The following PALM2AKAP2 variants were observed in gnomAD, a reference collection of about 807,000 sequenced individuals.
PALM2AKAP2 encodes PALM2 and AKAP2 fusion.
PALM2AKAP2 carries 37 observed loss-of-function variants against 71.5 expected under a neutral mutation model. The observed-to-expected ratio is 0.52, with a 90% CI of 0.40 to 0.68. The LOEUF (loss-of-function observed/expected upper bound fraction) is 0.68, where lower values mean the gene tolerates loss of function less well. PALM2AKAP2 is among the 30% of genes least tolerant of loss of function. The probability of loss-of-function intolerance (pLI) is 0.00; values close to 1 mark genes in which losing one functional copy is unlikely to be tolerated. For synonymous variants in PALM2AKAP2, 468 were observed against 478.8 expected (o/e 0.98, Z 0.29); for missense variants, 1,224 against 1,191.8 (o/e 1.03, Z -0.40).
chr9:110,061,329 A>G (rs1833961113), intron 1 of PALM2AKAP2, among the ~76,000 whole-genome samples: 1 of 152,222 alleles, frequency 6.6e-6, no homozygotes, highest in South Asian at 2.1e-4. Context: ...GTACAATTTA[A>G]TAAAACCTTG....
chr9:109,977,770 G>A (rs1832196644), intron 6 of PALM2AKAP2, among the ~76,000 whole-genome samples: 1 of 144,938 alleles, frequency 6.9e-6, no homozygotes, highest in African/African-American at 2.9e-5. Context: ...TTCACCCCCT[G>A]CCTCTCTCTG....
At chr9:109,738,979 A>T (rs955433616) in intron 1 of PALM2AKAP2, among the ~76,000 whole-genome samples, 6 of 152,250 alleles carry the variant, frequency 3.9e-5, no homozygotes, top group African/African-American at 1.4e-4. Flanking sequence ...CTTGGTTGGC[A>T]TTCAAAGTCC....
chr9:109,977,167 A>G (rs1444353885), intron 6 of PALM2AKAP2, among the ~76,000 whole-genome samples: 6 of 152,234 alleles, frequency 3.9e-5, no homozygotes, highest in Admixed American at 1.3e-4. Flanking sequence ...CCACTGTATC[A>G]CATTGACTCT....
chr9:109,875,354 G>A (rs774488630), intron 2 of PALM2AKAP2, among the ~76,000 whole-genome samples: 4 of 152,174 alleles, frequency 2.6e-5, no homozygotes, highest in Admixed American at 6.6e-5. Flanking sequence ...CAGCATCATA[G>A]TCTGAGATTA....
At chr9:109,780,096 C>G (rs933306862), upstream of PALM2AKAP2, among the ~76,000 whole-genome samples, 18 of 151,162 alleles carry the variant, frequency 1.2e-4, no homozygotes, top group African/African-American at 4.1e-4. Flanking sequence ...CGCCTTGGAC[C>G]GCGGCCTCGG....
At chr9:110,103,014 C>T (rs1312181168) in intron 1 of PALM2AKAP2, among the ~76,000 whole-genome samples, 1 of 152,138 alleles carries the variant, frequency 6.6e-6, no homozygotes, top group Admixed American at 6.5e-5. Flanking sequence ...GCTGGTTCTC[C>T]TGCCTGGAAC....
intron 1 of PALM2AKAP2, among the ~76,000 whole-genome samples, chr9:109,861,429 A>C (rs1168495694): frequency 6.6e-6 from 1 of 152,230 alleles, no homozygotes; most frequent in Non-Finnish European, 1.5e-5. Flanking sequence ...TTTACGTGTT[A>C]TGTTACGAAC....
intron 1 of PALM2AKAP2, among the ~76,000 whole-genome samples, chr9:109,699,840 A>G (rs1294438356): frequency 6.7e-6 from 1 of 150,182 alleles, no homozygotes; most frequent in Non-Finnish European, 1.5e-5. Context: ...AGTGGGCATG[A>G]TCTCGGCTCA....
chr9:109,878,330 A>G (rs1474072396), intron 2 of PALM2AKAP2, among the ~76,000 whole-genome samples: 1 of 152,198 alleles, frequency 6.6e-6, no homozygotes, highest in Non-Finnish European at 1.5e-5. Context: ...ATAGCTGTTT[A>G]CGCATATTGA....
chr9:109,650,310 T>C (rs1827208299), intron 1 of PALM2AKAP2, among the ~76,000 whole-genome samples: 1 of 133,906 alleles, frequency 7.5e-6, no homozygotes. Flanking sequence ...TTTAGGGTTG[T>C]CCACTGATTT....
intron 2 of PALM2AKAP2, among the ~76,000 whole-genome samples, chr9:110,154,127 C>A (rs1836390494): frequency 6.6e-6 from 1 of 152,124 alleles, no homozygotes; most frequent in South Asian, 2.1e-4. Context: ...CTTTGAGATT[C>A]CAATTAAGTG....
At chr9:110,012,547 G>T (rs1832903628) in intron 6 of PALM2AKAP2, among the ~76,000 whole-genome samples, 1 of 151,882 alleles carries the variant, frequency 6.6e-6, no homozygotes, top group Non-Finnish European at 1.5e-5. Flanking sequence ...TAACATTTCT[G>T]TTCTTACAAA....
At chr9:109,818,135 A>C (rs758613517) in intron 1 of PALM2AKAP2, among the ~76,000 whole-genome samples, 1 of 152,244 alleles carries the variant, frequency 6.6e-6, no homozygotes, top group African/African-American at 2.4e-5. Flanking sequence ...GGTATTTAAA[A>C]ATAGTGTACG....
At chr9:109,995,933 C>T (rs1832568351) in intron 6 of PALM2AKAP2, among the ~76,000 whole-genome samples, 1 of 152,222 alleles carries the variant, frequency 6.6e-6, no homozygotes, top group Non-Finnish European at 1.5e-5. Context: ...AAAGATACTG[C>T]AGGTCCCAGC....
chr9:109,780,233 G>T (rs1829415918), upstream of PALM2AKAP2: 2 of 1,066,282 alleles, frequency 1.9e-6, no homozygotes, highest in Non-Finnish European at 2.3e-6. Flanking sequence ...CGGCGGCGGC[G>T]GCGACCGGGA....
chr9:109,755,092 A>C (rs1044966753), intron 1 of PALM2AKAP2, among the ~76,000 whole-genome samples: 1 of 152,008 alleles, frequency 6.6e-6, no homozygotes, highest in Admixed American at 6.6e-5. Flanking sequence ...TCTTAGCTGC[A>C]CAAATTCATT....
At chr9:109,707,530 G>A (rs1380603178) in intron 1 of PALM2AKAP2, among the ~76,000 whole-genome samples, 1 of 152,118 alleles carries the variant, frequency 6.6e-6, no homozygotes, top group African/African-American at 2.4e-5. Flanking sequence ...GCCAGGTAGT[G>A]CAAGGCATGG....
At chr9:109,903,935 T>G (rs1415524839) in intron 3 of PALM2AKAP2, among the ~76,000 whole-genome samples, 4 of 152,216 alleles carry the variant, frequency 2.6e-5, no homozygotes, top group African/African-American at 9.6e-5. Flanking sequence ...GGAAAATCAG[T>G]TTAACATCAG....
At chr9:109,697,089 G>C (rs998769602) in intron 1 of PALM2AKAP2, among the ~76,000 whole-genome samples, 4 of 151,832 alleles carry the variant, frequency 2.6e-5, no homozygotes, top group Non-Finnish European at 5.9e-5. Context: ...TCCCCCTTAG[G>C]TTGTGCTTCT....
Sources: gnomAD v4.1 joint callset for allele counts (sites outside exome capture counted in the v4.1 genomes callset) on GRCh38, gnomAD v4.1.1 for gene constraint, MANE v1.5 for transcripts, NCBI Gene and HGNC (gene_info 2026-07-23, HGNC 2026-07-21) for gene names.